Variants in MSI2 observed in about 807,000 individuals in gnomAD.
The protein encoded by MSI2 is musashi RNA binding protein 2.
MSI2 carries 17 observed loss-of-function variants against 45.6 expected under a neutral mutation model. The observed-to-expected ratio is 0.37, with a 90% CI of 0.26 to 0.56. The LOEUF is 0.56. Ranked by LOEUF, MSI2 falls within the 20% of genes least tolerant of loss-of-function variation. MSI2 has a pLI of 0.77. For missense variants in MSI2, 293 were observed against 444.2 expected, an observed-to-expected ratio of 0.66 and a Z score of 3.06; for synonymous variants, 156 against 158.2, an observed-to-expected ratio of 0.99 and a Z score of 0.11.
At chr17:57,291,907 G>A (rs534360502) in intron 5 of MSI2, among the ~76,000 whole-genome samples, 3 of 152,066 alleles carry the variant, frequency 2.0e-5, no homozygotes, top group Admixed American at 1.3e-4. Flanking sequence ...ATTCTCCCCC[G>A]CCATTCTAAC....
At chr17:57,562,922 AC>A (rs2087616927) in intron 7 of MSI2, among the ~76,000 whole-genome samples, 1 of 151,950 alleles carries the variant, frequency 6.6e-6, no homozygotes, top group African/African-American at 2.4e-5. Flanking sequence ...ACATGACGAA[AC>A]CCTGTCTCTA....
chr17:57,425,584 T>G (rs930939812), intron 6 of MSI2, among the ~76,000 whole-genome samples: 1 of 152,240 alleles, frequency 6.6e-6, no homozygotes, highest in Non-Finnish European at 1.5e-5. Flanking sequence ...ATTTGTTGCC[T>G]TCATTGTTTC....
chr17:57,621,689 AG>A (rs1182429603), intron 9 of MSI2, among the ~76,000 whole-genome samples: 3 of 152,238 alleles, frequency 2.0e-5, no homozygotes, highest in Admixed American at 6.5e-5. Context: ...ATAGTTGCAC[AG>A]TTATTCTATC....
chr17:57,557,686 G>A (rs968109443), intron 7 of MSI2, among the ~76,000 whole-genome samples: 2 of 152,212 alleles, frequency 1.3e-5, no homozygotes, highest in Non-Finnish European at 1.5e-5. Flanking sequence ...TCTGGCAGGT[G>A]TACATTCGCT....
chr17:57,501,000 T>C (rs2086094269), intron 6 of MSI2, among the ~76,000 whole-genome samples: 1 of 152,010 alleles, frequency 6.6e-6, no homozygotes, highest in Non-Finnish European at 1.5e-5. Context: ...TTAATAATAA[T>C]GGCAGCATCA....
At chr17:57,512,968 CT>C (rs34727727) in intron 6 of MSI2, among the ~76,000 whole-genome samples, 16,686 of 114,730 alleles carry the variant, frequency 0.15, 1,228 homozygotes, top group Middle Eastern at 0.21. Flanking sequence ...TAGCTTCTTC[CT>C]TTTTTTTTTT....
chr17:57,525,724 A>G (rs186485892), intron 6 of MSI2, among the ~76,000 whole-genome samples: 4 of 152,366 alleles, frequency 2.6e-5, no homozygotes, highest in Admixed American at 6.5e-5. Context: ...GGGTTCTGCC[A>G]GGACATGGGA....
At chr17:57,447,324 G>C (rs2084918062) in intron 6 of MSI2, among the ~76,000 whole-genome samples, 1 of 152,066 alleles carries the variant, frequency 6.6e-6, no homozygotes, top group South Asian at 2.1e-4. Flanking sequence ...GGCTGGTCTT[G>C]AACTCCTGGT....
intron 7 of MSI2, among the ~76,000 whole-genome samples, chr17:57,553,104 G>A (rs1347457025): frequency 6.6e-6 from 1 of 152,204 alleles, no homozygotes; most frequent in Non-Finnish European, 1.5e-5. Context: ...AGAAACCTCA[G>A]TGTTGGAAAT....
intron 6 of MSI2, among the ~76,000 whole-genome samples, chr17:57,415,351 TTAC>T (rs2084274567): frequency 1.4e-5 from 2 of 145,208 alleles, no homozygotes; most frequent in African/African-American, 2.7e-5. Context: ...CCATTGGCAT[TTAC>T]TGCCAGACTG....
chr17:57,563,746 GCACACACACACACACACACACA>G (rs61342598), intron 7 of MSI2, among the ~76,000 whole-genome samples: 20 of 139,396 alleles, frequency 1.4e-4, no homozygotes, highest in Admixed American at 2.2e-4. Flanking sequence ...ACACAGGCGC[GCACACACACACACACACACACA>G]CACACACACA....
At chr17:57,655,036 A>C (rs1010733714) in intron 11 of MSI2, among the ~76,000 whole-genome samples, 9 of 150,334 alleles carry the variant, frequency 6.0e-5, no homozygotes, top group African/African-American at 2.2e-4. Context: ...GGCAACTTGG[A>C]TCCATCAGGG....
In MSI2 at chr17:57,679,726, C is replaced by T. The variant is rs1033571184; in HGVS notation, c.*209C>T. ...CTCACGAATCTGCTGTAATATAAGA[C>T]AACAGCTTTTAAATGTGTATATAAC... On this transcript the variant is annotated 3_prime_UTR_variant, in exon 14 of 14. Transcript: ENST00000284073. 3 of 517,124 alleles carry T rather than the reference C, an allele frequency of 5.8e-6. No individual in the cohort carries two copies. The African/African-American group carries it at 5.9e-5, about 10-fold the overall frequency. 32.0% of individuals were successfully genotyped at this position (517,124 alleles called of 1,614,324 possible).
At chr17:57,524,336 C>T (rs768296991) in intron 6 of MSI2, among the ~76,000 whole-genome samples, 3 of 152,238 alleles carry the variant, frequency 2.0e-5, no homozygotes, top group Admixed American at 6.5e-5. Context: ...CACAGAGGAA[C>T]GGGTGTGAGA....
At chr17:57,342,205 A>T (rs746024522) in intron 5 of MSI2, among the ~76,000 whole-genome samples, 3 of 152,212 alleles carry the variant, frequency 2.0e-5, no homozygotes, top group Non-Finnish European at 4.4e-5. Flanking sequence ...TTTGAAAATT[A>T]TATTTGATAC....
chr17:57,622,076 G>A (rs963938235), intron 9 of MSI2, among the ~76,000 whole-genome samples: 2 of 152,202 alleles, frequency 1.3e-5, no homozygotes, highest in Admixed American at 6.5e-5. Flanking sequence ...GCGCATGCCT[G>A]TAGTCCTAGC....
intron 5 of MSI2, among the ~76,000 whole-genome samples, chr17:57,325,643 C>T (rs765403284): frequency 1.3e-5 from 2 of 152,146 alleles, no homozygotes; most frequent in South Asian, 2.1e-4. Context: ...CTTTGCTGAC[C>T]GAGTTGGTGT....
At chr17:57,264,833 G>A (rs182315471) in intron 5 of MSI2, 13 of 152,348 alleles carry the variant, frequency 8.5e-5, no homozygotes, top group Admixed American at 7.8e-4. Flanking sequence ...AGATGGGCTC[G>A]GAGAGGTCAG....
Position 57,675,143 on chromosome 17 carries a change from C to CCCTGCCCTCCTGCCTCCT in MSI2, c.945+21_945+38dup. The CCCTGCCCTCCTGCCTCCT allele has an allele frequency of 6.2e-7, 1 of 1,605,742 alleles. No homozygotes were observed. Among genetic ancestry groups the CCCTGCCCTCCTGCCTCCT allele is most frequent in the Non-Finnish European group, 8.5e-7 (1 of 1,175,498 alleles). ...GGCATAGCTGTAAGTACCTGCCTTC[C>CCCTGCCCTCCTGCCTCCT]CCTGCCCTCCTGCCTCCTCCTTCCT... On this transcript the variant is annotated intron_variant, in intron 12 of 13. Transcript: ENST00000284073.
Sources: allele counts gnomAD v4.1 joint callset (sites outside exome capture counted in the v4.1 genomes callset), GRCh38; gene constraint gnomAD v4.1.1; transcripts MANE v1.5; gene names NCBI Gene and HGNC (gene_info 2026-07-23, HGNC 2026-07-21).